Variants in VIT observed in about 807,000 individuals in gnomAD.
VIT encodes the protein vitrin.
Under a neutral mutation model 78.0 loss-of-function variants are expected in VIT, and 99 were observed. The ratio of observed to expected loss-of-function variants is 1.27; its 90% CI spans 1.08 to 1.50. VIT has a LOEUF of 1.50. VIT is among the 40% of genes most tolerant of loss of function. VIT has a pLI of 0.00. For synonymous variants in VIT, 374 were observed against 334.3 expected, an observed-to-expected ratio of 1.12 and a Z score of -1.29; for missense variants, 1,126 against 875.3, an observed-to-expected ratio of 1.29 and a Z score of -3.61.
At chr2:36,759,100 C>T (rs1033866489) in intron 6 of VIT, 54 bp downstream of exon 6, 26 of 1,614,022 alleles carry the variant, frequency 1.6e-5, no homozygotes, top group East Asian at 4.5e-5. Context: ...GAACACGCGA[C>T]GTGTTTTGGG....
chr2:36,706,800 C>A (rs1427512242), intron 1 of VIT, among the ~76,000 whole-genome samples: 1 of 152,212 alleles, frequency 6.6e-6, no homozygotes, highest in Non-Finnish European at 1.5e-5. Flanking sequence ...GTGAAAAGTA[C>A]TATGCAAATG....
At chr2:36,723,666 A>G (rs1375482454) in intron 2 of VIT, among the ~76,000 whole-genome samples, 1 of 152,194 alleles carries the variant, frequency 6.6e-6, no homozygotes, top group Non-Finnish European at 1.5e-5. Flanking sequence ...GAGAGGGAGA[A>G]AGTGAAGTGG....
At chr2:36,719,705 G>T (rs983902727) in intron 2 of VIT, among the ~76,000 whole-genome samples, 3 of 152,204 alleles carry the variant, frequency 2.0e-5, no homozygotes, top group Non-Finnish European at 4.4e-5. Context: ...TTGCGTGGCG[G>T]AAGTAGGCAG....
chr2:36,791,024 C>A (rs1043217428), intron 12 of VIT, among the ~76,000 whole-genome samples: 4 of 152,224 alleles, frequency 2.6e-5, no homozygotes, highest in African/African-American at 4.8e-5. Flanking sequence ...ACTACACTTT[C>A]ATTTCAGGCC....
intron 12 of VIT, among the ~76,000 whole-genome samples, chr2:36,795,471 G>A (rs1464575395): frequency 1.3e-5 from 2 of 151,192 alleles, no homozygotes; most frequent in Non-Finnish European, 2.9e-5. Flanking sequence ...TTGTTGCCCT[G>A]GCGCGATCTC....
At chr2:36,720,142 T>A (rs1222465046) in intron 2 of VIT, among the ~76,000 whole-genome samples, 5 of 151,930 alleles carry the variant, frequency 3.3e-5, no homozygotes, top group African/African-American at 4.8e-5. Flanking sequence ...GGAAAAAAAA[T>A]TCTAAATTCA....
At chr2:36,763,148 T>C (rs1669222441) in intron 6 of VIT, among the ~76,000 whole-genome samples, 1 of 152,222 alleles carries the variant, frequency 6.6e-6, no homozygotes, top group Non-Finnish European at 1.5e-5. Context: ...TCCCCCGCTG[T>C]GGTTCTCAAA....
At chr2:36,801,965 C>T (rs1666365626) in intron 13 of VIT, among the ~76,000 whole-genome samples, 1 of 152,064 alleles carries the variant, frequency 6.6e-6, no homozygotes, top group South Asian at 2.1e-4. Flanking sequence ...TTTTTGTTGG[C>T]CTACAAGTCA....
intron 12 of VIT, among the ~76,000 whole-genome samples, chr2:36,798,977 G>A (rs1215062943): frequency 6.6e-6 from 1 of 152,142 alleles, no homozygotes; most frequent in Non-Finnish European, 1.5e-5. Flanking sequence ...GCTGATTGCT[G>A]TGTTGTTGTT....
At chr2:36,760,457 T>C (rs115218623) in intron 6 of VIT, among the ~76,000 whole-genome samples, 2,208 of 152,316 alleles carry the variant, frequency 0.014, 60 homozygotes, top group African/African-American at 0.051. Flanking sequence ...TAGTCCTGTT[T>C]GTTTAGTTTC....
Position 36,717,913 on chromosome 2 carries a change from G to A in VIT, c.52+1491G>A, listed in dbSNP as rs149425512. Among the ~76,000 whole-genome samples the A allele has an allele frequency of 9.6e-3, 1,464 of 152,276 alleles. 24 individuals are homozygous for A. Among genetic ancestry groups the A allele is most frequent in the African/African-American group, 0.033 (1,383 of 41,552 alleles). On this transcript the variant is annotated intron_variant, in intron 2 of 15. Transcript: ENST00000379242. ...GTTGGTTCTTTCAGAGGGCTGCAAG[G>A]GAGGAATCTGTTCCATGTCTCTCTC... is the stretch of plus-strand genomic sequence containing the variant.
intron 9 of VIT, among the ~76,000 whole-genome samples, chr2:36,778,076 A>G (rs898135698): frequency 6.6e-6 from 1 of 152,144 alleles, no homozygotes; most frequent in Middle Eastern, 3.2e-3. Context: ...TGCACCCCCC[A>G]TTTAAGCTGA....
At chr2:36,733,682 G>T (rs1350936723) in intron 3 of VIT, among the ~76,000 whole-genome samples, 3 of 152,224 alleles carry the variant, frequency 2.0e-5, no homozygotes, top group Non-Finnish European at 4.4e-5. Flanking sequence ...TATATAGTAA[G>T]TTGGAAGACA....
intron 1 of VIT, among the ~76,000 whole-genome samples, chr2:36,708,115 C>CT (rs1463666997): frequency 1.4e-4 from 21 of 149,510 alleles, no homozygotes; most frequent in Non-Finnish European, 2.4e-4. Context: ...GGACCTCCCC[C>CT]CCCCGCCCAC....
intron 12 of VIT, among the ~76,000 whole-genome samples, chr2:36,788,433 A>T (rs1164768575): frequency 6.6e-6 from 1 of 152,268 alleles, no homozygotes; most frequent in East Asian, 1.9e-4. Context: ...TTCCGATAAC[A>T]CATTTGATAC....
intron 11 of VIT, among the ~76,000 whole-genome samples, chr2:36,783,944 A>G (rs111644674): frequency 3.4e-3 from 525 of 152,304 alleles, no homozygotes; most frequent in African/African-American, 0.012. Context: ...GGTAGAGAGA[A>G]GACTACCCAG....
chr2:36,750,237 C>A (rs1002814428), intron 4 of VIT, among the ~76,000 whole-genome samples: 1 of 152,226 alleles, frequency 6.6e-6, no homozygotes, highest in Non-Finnish European at 1.5e-5. Context: ...TACAAATCTA[C>A]GCACACGTGT....
intron 12 of VIT, among the ~76,000 whole-genome samples, chr2:36,790,666 T>C (rs184698609): frequency 7.9e-5 from 12 of 152,262 alleles, no homozygotes; most frequent in African/African-American, 2.9e-4. Context: ...GGACAAATAT[T>C]AGTCTTGAGT....
rs181031333 is a variant in VIT at position 36,764,978 on chromosome 2, C to T, written c.488-2116C>T. Among the ~76,000 whole-genome samples the T allele has an allele frequency of 5.3e-5, 8 of 151,798 alleles. No individual in the cohort carries two copies. The East Asian group carries it at 1.2e-3, about 22-fold the overall frequency. On this transcript the variant is annotated intron_variant, in intron 6 of 15. Transcript: ENST00000379242. ...GTGCTGTGTAACAAAAATGTATCAA[C>T]CCCAAGCAGAGTTAAGGCCAGAGCT...
Sources: gnomAD v4.1 joint callset for allele counts (sites outside exome capture counted in the v4.1 genomes callset) on GRCh38, gnomAD v4.1.1 for gene constraint, MANE v1.5 for transcripts, NCBI Gene and HGNC (gene_info 2026-07-23, HGNC 2026-07-21) for gene names.